Variants in KMT2C observed in about 807,000 individuals in gnomAD.
KMT2C encodes lysine methyltransferase 2C.
KMT2C carries 88 observed loss-of-function variants against 507.9 expected under a neutral mutation model. The ratio of observed to expected loss-of-function variants is 0.17; its 90% confidence interval spans 0.15 to 0.21. The LOEUF is 0.21. Ranked by LOEUF, KMT2C falls within the 10% of genes least tolerant of loss-of-function variation. KMT2C has a pLI of 1.00. For synonymous variants in KMT2C, 2,049 were observed against 2,080.8 expected (o/e 0.98, Z 0.42); for missense variants, 4,954 against 5,957.8 (o/e 0.83, Z 5.55).
chr7:152,361,289 G>A (rs1272382235), intron 1 of KMT2C, among the ~76,000 whole-genome samples: 2 of 152,146 alleles, frequency 1.3e-5, no homozygotes, highest in Non-Finnish European at 2.9e-5. Flanking sequence ...GGCTGGGCAC[G>A]GTGGCTCACG....
Position 152,417,617 on chromosome 7 carries a change from T to C in KMT2C, c.161+18009A>G, listed in dbSNP as rs192946334. ...ATTAGAGCCTATATGCTTCTGAATA[T>C]CTATGAAGAATCAAAAAATGCTTTT... is the stretch of plus-strand genomic sequence containing the variant. On this transcript the variant is annotated intron_variant, in intron 1 of 58. Coordinates refer to ENST00000262189, the MANE Select transcript of KMT2C (RefSeq NM_170606.3). Among the ~76,000 whole-genome samples, 3 of 152,248 alleles carry C rather than the reference T, an allele frequency of 2.0e-5. No individual in the cohort carries two copies. The East Asian group carries it at 5.8e-4, about 29-fold the overall frequency.
In KMT2C at chr7:152,176,059, ACTC is replaced by A. The variant is rs1053280164; in HGVS notation, c.9262+129_9262+131del. 16 of 980,556 alleles carry A rather than the reference ACTC, an allele frequency of 1.6e-5. No homozygotes were observed. In the African/African-American group the frequency reaches 2.0e-4, roughly 12 times the overall value. 60.7% of individuals were successfully genotyped at this position (980,556 alleles called of 1,614,324 possible). On this transcript the variant is annotated intron_variant, in intron 38 of 58. Transcript: ENST00000262189. ...CTCCGTCTCAAAACAAAACAAACAA[ACTC>A]CTCAAGGAGGAATAGAAAAACTCAG...
chr7:152,313,710 A>G (rs1643309792), intron 4 of KMT2C, among the ~76,000 whole-genome samples: 1 of 152,096 alleles, frequency 6.6e-6, no homozygotes, highest in Non-Finnish European at 1.5e-5. Flanking sequence ...TTAATTGCCT[A>G]CCCTTCAATG....
intron 1 of KMT2C, chr7:152,402,656 G>A (rs377641293): frequency 1.4e-3 from 202 of 140,458 alleles, no homozygotes; most frequent in Middle Eastern, 9.9e-3. Flanking sequence ...TGAACAAATG[G>A]CCTACAGAAT....
At chr7:152,232,969 C>T (rs2095167721) in intron 16 of KMT2C, among the ~76,000 whole-genome samples, 1 of 152,006 alleles carries the variant, frequency 6.6e-6, no homozygotes, top group Non-Finnish European at 1.5e-5. Context: ...TTGTAAAGAT[C>T]CATTATTATT....
intron 23 of KMT2C, among the ~76,000 whole-genome samples, chr7:152,213,885 C>T (rs924587909): frequency 4.6e-5 from 7 of 151,854 alleles, no homozygotes; most frequent in African/African-American, 1.7e-4. Context: ...CAAAAAAATC[C>T]CAAATAACTG....
At position 152,187,473 on chromosome 7, in the gene KMT2C, A is replaced by G; in HGVS notation, c.4797T>C (p.Asp1599=). 1.2e-6 allele frequency: 2 copies of G among 1,610,272 alleles called. No homozygotes were observed. Among genetic ancestry groups the G allele is most frequent in the South Asian group, 2.2e-5 (2 of 90,848 alleles). The stretch of plus-strand genomic sequence containing the variant: ...CCATTGGATTAAAGGCTGAATTTTT[A>G]TCCCTGGGAAAAAATAAATATCTTT... The part of the protein sequence containing the change: ...IAQSSYPDAR[D]KNSAFNPMAS... The change falls in exon 33 of 59, where the codon GAT becomes GAC. Residue 1599 remains aspartate (D), a synonymous_variant. Transcript: ENST00000262189.
At chr7:152,372,536 G>T (rs1171397557) in intron 1 of KMT2C, among the ~76,000 whole-genome samples, 1 of 152,174 alleles carries the variant, frequency 6.6e-6, no homozygotes, top group East Asian at 1.9e-4. Context: ...GAGGCTGAAA[G>T]TGAAGAGATG....
intron 1 of KMT2C, 140 bp from the exon 2 acceptor site, chr7:152,358,815 AAGT>A: frequency 1.7e-6 from 1 of 580,080 alleles, no homozygotes. Flanking sequence ...TTACCATATC[AAGT>A]AGAAAATATC....
At chr7:152,169,057 G>C (rs1336013621) in intron 41 of KMT2C, 129 bp downstream of exon 41, 1 of 584,762 alleles carries the variant, frequency 1.7e-6, no homozygotes, top group Non-Finnish European at 3.1e-6. Flanking sequence ...GGGCAGTGAT[G>C]TTTAATAAGA....
Position 152,176,715 on chromosome 7 carries a change from C to T in KMT2C, c.8738G>A (p.Gly2913Glu), listed in dbSNP as rs2129113510. 6.2e-7 allele frequency: 1 copy of T among 1,614,100 alleles called. No homozygotes were observed. Among genetic ancestry groups the T allele is most frequent in the Middle Eastern group, 1.6e-4 (1 of 6,062 alleles). ...TAAACTTGAGAGAACTGGAGTTGAT[C>T]CAGTTATGCCACAAGAGTTTATTAC... Reference protein sequence around the residue: ...QDVINSCGITGSTPVLSSLLA... With the variant: ...QDVINSCGITESTPVLSSLLA... The change falls in exon 38 of 59, where the codon GGA becomes GAA. Residue 2913 changes from glycine (G) to glutamate (E), a missense_variant. Physicochemically the swap from Gly to Glu is moderately conservative, Grantham distance 98. Transcript: ENST00000262189.
chr7:152,347,488 T>C (rs1009298306), intron 2 of KMT2C, among the ~76,000 whole-genome samples: 1 of 152,244 alleles, frequency 6.6e-6, no homozygotes, highest in African/African-American at 2.4e-5. Flanking sequence ...AGATGATTGG[T>C]ATCCCATGGT....
intron 6 of KMT2C, 94 bp downstream of exon 6, chr7:152,309,872 A>ACT: frequency 6.3e-6 from 5 of 794,030 alleles, no homozygotes; most frequent in Non-Finnish European, 1.0e-5. Flanking sequence ...GAGCTTTTAC[A>ACT]CTACAGCAAT....
At chr7:152,392,463 T>C (rs1486785154) in intron 1 of KMT2C, among the ~76,000 whole-genome samples, 1 of 152,228 alleles carries the variant, frequency 6.6e-6, no homozygotes, top group East Asian at 1.9e-4. Context: ...TAGTTAGTTA[T>C]TAGTAAACAA....
Position 152,367,181 on chromosome 7 carries a change from A to T in KMT2C, c.162-8506T>A. 4 of 1,485,140 alleles carry T rather than the reference A, an allele frequency of 2.7e-6. No homozygotes were observed. The Admixed American group carries it at 5.5e-5, about 21-fold the overall frequency. The allele number at this position is 1,485,140 out of a possible 1,614,324, so 92.0% of individuals were successfully genotyped here. ...AAAATTCTTCCAAGGATGGTCTCCC[A>T]CTCAGAGCTGAGGAAGCTTTTCTAC... On this transcript the variant is annotated intron_variant, in intron 1 of 58. Transcript: ENST00000262189.
chr7:152,229,246 C>T (rs2095032265), intron 18 of KMT2C, among the ~76,000 whole-genome samples: 1 of 152,118 alleles, frequency 6.6e-6, no homozygotes, highest in African/African-American at 2.4e-5. Context: ...TACCTCCATG[C>T]TTGCTTCCAG....
intron 7 of KMT2C, among the ~76,000 whole-genome samples, chr7:152,270,700 A>C (rs2095948137): frequency 6.6e-6 from 1 of 152,148 alleles, no homozygotes. Context: ...TTTCCTATTC[A>C]GGAAGTATAT....
chr7:152,411,584 T>C (rs1016772300), intron 1 of KMT2C, among the ~76,000 whole-genome samples: 29 of 152,196 alleles, frequency 1.9e-4, no homozygotes, highest in Middle Eastern at 3.2e-3. Context: ...AGATCCGACG[T>C]AAAGCAGGCA....
rs1220418472 is a variant in KMT2C, at chr7:152,205,120, G to A, written c.3947C>T (p.Pro1316Leu). 1.2e-6 allele frequency: 2 copies of A among 1,611,568 alleles called. No individual in the cohort carries two copies. Among genetic ancestry groups the A allele is most frequent in the African/African-American group, 2.7e-5 (2 of 74,714 alleles). Residue 1316 changes from proline to leucine, a missense_variant, in exon 25 of 59, where the codon CCT (proline) becomes CTT (leucine). Around this residue, in one of 29 missense-constraint regions of KMT2C, gnomAD observed 176 missense variants for 262.0 expected, o/e 0.67. Coordinates refer to ENST00000262189, the MANE Select transcript of KMT2C (RefSeq NM_170606.3). Reference sequence around the variant, plus strand: ...CAGTACTATACCATCATCTCTGCAAGGTAACTGCTCGGAAATAGAGCCTGA... The same window carrying A: ...CAGTACTATACCATCATCTCTGCAAAGTAACTGCTCGGAAATAGAGCCTGA... ...DSSGSISEQL[P>L]CRDDGWSEQL...
Sources: allele counts gnomAD v4.1 joint callset (sites outside exome capture counted in the v4.1 genomes callset), GRCh38; gene constraint gnomAD v4.1.1; regional missense constraint gnomAD v4.1.1; transcripts MANE v1.5; gene names NCBI Gene and HGNC (gene_info 2026-07-23, HGNC 2026-07-21).